Variants in TXNDC16 observed in about 807,000 individuals in gnomAD.
The protein encoded by TXNDC16 is thioredoxin domain containing 16, also known as thioredoxin domain-containing protein 16.
TXNDC16 carries 74 observed loss-of-function variants against 85.6 expected under a neutral mutation model. That is an observed-to-expected ratio of 0.86 (90% CI 0.72 to 1.05). TXNDC16 has a LOEUF of 1.05. Ranked by LOEUF, TXNDC16 falls within the 50% of genes least tolerant of loss-of-function variation. The pLI, the probability that TXNDC16 is intolerant of heterozygous loss-of-function variation, is 0.00. For synonymous variants in TXNDC16, 335 were observed against 326.5 expected, an observed-to-expected ratio of 1.03 and a Z score of -0.28; for missense variants, 959 against 947.0, an observed-to-expected ratio of 1.01 and a Z score of -0.17.
Position 52,490,441 on chromosome 14 carries a change from C to A in TXNDC16, c.934G>T (p.Glu312Ter). The A allele has an allele frequency of 6.3e-7, 1 of 1,598,850 alleles. No homozygotes were observed. The highest frequency in any genetic ancestry group is 8.5e-7 in the Non-Finnish European group (1 of 1,174,682). ...TTAGCATCTTGAGGAATGTTCACTT[C>A]CAAAGAGTCCCTTTTTCAAAATGGA... ...GVLLLLRDSL[E>*]VNIPQDANVV... Residue 312 changes from glutamate (E) to a stop codon, truncating the protein, a stop_gained, in exon 11 of 21, where the codon GAA becomes TAA. Transcript: ENST00000281741. LOFTEE classifies it high-confidence loss of function.
In TXNDC16 at chr14:52,490,850, T is replaced by G; in HGVS notation, c.912A>C (p.Leu304=). The G allele has an allele frequency of 2.5e-6, 4 of 1,609,836 alleles. No individual in the cohort carries two copies. The highest frequency in any genetic ancestry group is 3.4e-6 in the Non-Finnish European group (4 of 1,178,872). The change falls in exon 10 of 21, where the codon CTA becomes CTC. Residue 304 remains leucine, a synonymous_variant. Coordinates refer to ENST00000281741, the MANE Select transcript of TXNDC16 (RefSeq NM_020784.3). The part of the protein sequence containing the change: ...AWRLLGKAGV[L]LLLRDSLEVN... Reference sequence around the variant, plus strand: ...GATGTTTAAGATACCTTAACAAGAGTAGAACTCCTGCTTTTCCCAGAAGAC... The same window carrying G: ...GATGTTTAAGATACCTTAACAAGAGGAGAACTCCTGCTTTTCCCAGAAGAC...
At position 52,514,910 on chromosome 14, in the gene TXNDC16, G is replaced by C. The variant is rs866990199; in HGVS notation, c.575C>G (p.Thr192Ser). ...VYGTTYQFVL[T>S]TEIALLESIG... ...ACTTTCCAAAAGGGCAATTTCTGTGGTTAAGACAAATTGGTATGTAGTCCC... is the reference window on the plus strand; with the variant it reads ...ACTTTCCAAAAGGGCAATTTCTGTGCTTAAGACAAATTGGTATGTAGTCCC... The change falls in exon 8 of 21, where the codon ACC (threonine) becomes AGC (serine). Residue 192 changes from threonine (T) to serine (S), a missense_variant. By Grantham distance (58) the Thr-to-Ser change is moderately conservative (BLOSUM62 1). Transcript: ENST00000281741. The C allele has an allele frequency of 1.2e-6, 2 of 1,612,510 alleles. No individual in the cohort carries two copies. The highest frequency in any genetic ancestry group is 1.7e-6 in the Non-Finnish European group (2 of 1,178,952).
intron 6 of TXNDC16, among the ~76,000 whole-genome samples, chr14:52,530,852 A>T (rs2037558564): frequency 2.0e-5 from 3 of 151,394 alleles, no homozygotes; most frequent in African/African-American, 7.3e-5. Flanking sequence ...GCAGGCATAT[A>T]TTTTTAAAAA....
intron 1 of TXNDC16, among the ~76,000 whole-genome samples, chr14:52,545,602 T>C (rs1327504433): frequency 6.6e-6 from 1 of 152,100 alleles, no homozygotes; most frequent in Non-Finnish European, 1.5e-5. Flanking sequence ...AACATGCAGC[T>C]AGGGTGGGAA....
At chr14:52,514,762 A>G in intron 8 of TXNDC16, 118 bp downstream of exon 8, 1 of 691,762 alleles carries the variant, frequency 1.4e-6, no homozygotes, top group Non-Finnish European at 2.5e-6. Flanking sequence ...CACATCTGCT[A>G]TGGTTCCTTT....
At chr14:52,459,019 C>G (rs779554370) in intron 16 of TXNDC16, among the ~76,000 whole-genome samples, 1 of 152,114 alleles carries the variant, frequency 6.6e-6, no homozygotes, top group Non-Finnish European at 1.5e-5. Context: ...TTGGTAAAAA[C>G]TGTATATATG....
intron 14 of TXNDC16, among the ~76,000 whole-genome samples, chr14:52,471,331 T>C (rs904467396): frequency 6.6e-6 from 1 of 152,224 alleles, no homozygotes; most frequent in Non-Finnish European, 1.5e-5. Context: ...TCGTTCCTCC[T>C]GGATAACTAC....
In TXNDC16 at chr14:52,482,296, G is replaced by T; in HGVS notation, c.1253-7C>A. 1 of 1,609,242 alleles carries T rather than the reference G, an allele frequency of 6.2e-7. No individual in the cohort carries two copies. Among genetic ancestry groups the T allele is most frequent in the South Asian group, 1.1e-5 (1 of 90,436 alleles). ...GCCATGGATACTGCTTGCCCTATATGAAAATTAAAAATTCAACAGATATTA... is the reference window on the plus strand; with the variant it reads ...GCCATGGATACTGCTTGCCCTATATTAAAATTAAAAATTCAACAGATATTA... On this transcript the variant is annotated splice_polypyrimidine_tract_variant and splice_region_variant and intron_variant, in intron 13 of 20. Coordinates refer to ENST00000281741, the MANE Select transcript of TXNDC16 (RefSeq NM_020784.3).
At chr14:52,526,881 T>C (rs1469269622) in intron 6 of TXNDC16, among the ~76,000 whole-genome samples, 3 of 152,142 alleles carry the variant, frequency 2.0e-5, no homozygotes, top group African/African-American at 7.2e-5. Context: ...CAATCATATC[T>C]ACATAACAAA....
intron 12 of TXNDC16, among the ~76,000 whole-genome samples, chr14:52,485,793 G>GAGCA (rs1392546190): frequency 2.0e-5 from 3 of 152,144 alleles, no homozygotes; most frequent in East Asian, 3.8e-4. Flanking sequence ...TTGTGTAAGT[G>GAGCA]AACTTTATGA....
At chr14:52,496,719 A>G (rs542758339) in intron 9 of TXNDC16, among the ~76,000 whole-genome samples, 16 of 150,384 alleles carry the variant, frequency 1.1e-4, no homozygotes, top group African/African-American at 3.9e-4. Context: ...TGATCCTCCC[A>G]CCACCTCAGC....
chr14:52,543,510 T>C lies in TXNDC16; in HGVS notation c.48A>G (p.Ile16Met). ...CTGTTGGCATGTAAAAAATGCACATTATGACAAAAGAGATCCCAACTCTAA... is the reference window on the plus strand; with the variant it reads ...CTGTTGGCATGTAAAAAATGCACATCATGACAAAAGAGATCCCAACTCTAA... The part of the protein sequence containing the change: ...NVFRVGISFV[I>M]MCIFYMPTVN... The change falls in exon 3 of 21, where the codon ATA becomes ATG. Residue 16 changes from isoleucine (I) to methionine (M), a missense_variant. Coordinates refer to ENST00000281741, the MANE Select transcript of TXNDC16 (RefSeq NM_020784.3). 1 of 1,613,638 alleles carries C rather than the reference T, an allele frequency of 6.2e-7. No individual in the cohort carries two copies. Among genetic ancestry groups the C allele is most frequent in the Non-Finnish European group, 8.5e-7 (1 of 1,179,714 alleles).
At chr14:52,548,538 T>C (rs1235310004) in intron 1 of TXNDC16, among the ~76,000 whole-genome samples, 4 of 152,180 alleles carry the variant, frequency 2.6e-5, no homozygotes, top group Admixed American at 2.0e-4. Context: ...TTTGCTCATA[T>C]AGCCTCCAGT....
intron 7 of TXNDC16, among the ~76,000 whole-genome samples, chr14:52,515,367 A>G (rs1203230881): frequency 6.6e-6 from 1 of 151,872 alleles, no homozygotes; most frequent in Non-Finnish European, 1.5e-5. Context: ...GAAAGAAAAC[A>G]ATAATTTTAC....
chr14:52,434,681 CCTA>C (rs1205446277), intron 20 of TXNDC16, among the ~76,000 whole-genome samples: 1 of 152,166 alleles, frequency 6.6e-6, no homozygotes, highest in Non-Finnish European at 1.5e-5. Context: ...CCAGAATGTT[CCTA>C]CAACTCATCC....
intron 18 of TXNDC16, 81 bp from the exon 19 acceptor site, chr14:52,440,805 A>C (rs1254678171): frequency 7.7e-7 from 1 of 1,298,656 alleles, no homozygotes; most frequent in African/African-American, 1.5e-5. Context: ...CAAATCACTC[A>C]GTCAATTTTA....
chr14:52,541,185 G>A (rs1352799400), intron 4 of TXNDC16, among the ~76,000 whole-genome samples: 10 of 151,282 alleles, frequency 6.6e-5, no homozygotes, highest in Non-Finnish European at 1.0e-4. Context: ...GCAGTGAGCC[G>A]AGATTGTCCC....
chr14:52,540,130 T>C (rs1393224378), intron 4 of TXNDC16, among the ~76,000 whole-genome samples: 1 of 152,236 alleles, frequency 6.6e-6, no homozygotes, highest in Non-Finnish European at 1.5e-5. Flanking sequence ...CTAAATAGCA[T>C]ACAGCTTTCT....
At chr14:52,539,526 G>A (rs868372423) in intron 4 of TXNDC16, among the ~76,000 whole-genome samples, 16 of 152,150 alleles carry the variant, frequency 1.1e-4, no homozygotes, top group Admixed American at 7.9e-4. Flanking sequence ...AAGGACTTTC[G>A]CAGCATGGTA....
Sources: gnomAD v4.1 joint callset for allele counts (sites outside exome capture counted in the v4.1 genomes callset) on GRCh38, gnomAD v4.1.1 for gene constraint, MANE v1.5 for transcripts, NCBI Gene and HGNC (gene_info 2026-07-23, HGNC 2026-07-21) for gene names.